The following METTL24 variants were observed in gnomAD, a reference collection of about 807,000 sequenced individuals.
METTL24 encodes methyltransferase like 24.
In METTL24, 29 loss-of-function variants were observed where a neutral mutation model predicts 32.7. The ratio of observed to expected loss-of-function variants is 0.89; its 90% CI spans 0.66 to 1.21. The LOEUF (loss-of-function observed/expected upper bound fraction) is 1.21, where lower values mean the gene tolerates loss of function less well. METTL24 is among the 50% of genes most tolerant of loss of function. The pLI, the probability that METTL24 is intolerant of heterozygous loss-of-function variation, is 0.00. For synonymous variants in METTL24, 163 were observed against 179.5 expected (o/e 0.91, Z 0.73); for missense variants, 439 against 468.1 (o/e 0.94, Z 0.57).
chr6:110,358,245 C>G lies in METTL24; in HGVS notation c.28G>C (p.Gly10Arg), dbSNP rs1213569886. 1.6e-5 allele frequency: 24 copies of G among 1,485,522 alleles called. No individual in the cohort carries two copies. The highest frequency in any genetic ancestry group is 2.0e-5 in the Non-Finnish European group (23 of 1,125,038). 92.0% of individuals were successfully genotyped at this position (1,485,522 alleles called of 1,614,324 possible). A position where few individuals can be genotyped will look rare whatever the true frequency, so the allele number is the denominator to read the frequency against. The change falls in exon 1 of 5, where the codon GGC becomes CGC. Residue 10 changes from glycine (G) to arginine (R), a missense_variant. By Grantham distance (125) the Gly-to-Arg change is moderately radical. Transcript: ENST00000338882. MARERPPGR[G>R]CGVLRRCLLG... ...AGACACCGGCGCAGGACGCCGCAGC[C>G]CCTCCCGGGCGGCCTCTCCCGGGCC...
At chr6:110,343,273 A>C (rs1772398314) in intron 1 of METTL24, among the ~76,000 whole-genome samples, 1 of 152,212 alleles carries the variant, frequency 6.6e-6, no homozygotes, top group South Asian at 2.1e-4. Flanking sequence ...ACCACTAATA[A>C]TATATTTCCC....
chr6:110,278,296 C>T (rs1055339147), intron 4 of METTL24, among the ~76,000 whole-genome samples: 1 of 152,312 alleles, frequency 6.6e-6, no homozygotes, highest in Admixed American at 6.5e-5. Context: ...CTTCTCTACA[C>T]ATGATCACTT....
intron 4 of METTL24, among the ~76,000 whole-genome samples, chr6:110,269,816 T>A (rs1317286716): frequency 6.6e-6 from 1 of 152,094 alleles, no homozygotes; most frequent in Non-Finnish European, 1.5e-5. Context: ...AAAGCCTCAT[T>A]TGTTTGACAA....
chr6:110,261,608 A>T lies in METTL24; in HGVS notation c.787-15348T>A, dbSNP rs144886539. Among the ~76,000 whole-genome samples the T allele has an allele frequency of 4.3e-3, 658 of 152,308 alleles. 9 individuals are homozygous for T. The highest frequency in any genetic ancestry group is 0.015 in the African/African-American group (642 of 41,568). ...CAGGAATTGAACTCAGCTCTGCGCCAAGTGGACCTAATAGACATCTACAGA... is the reference window on the plus strand; with the variant it reads ...CAGGAATTGAACTCAGCTCTGCGCCTAGTGGACCTAATAGACATCTACAGA... On this transcript the variant is annotated intron_variant, in intron 4 of 4. Transcript: ENST00000338882.
intron 2 of METTL24, among the ~76,000 whole-genome samples, chr6:110,319,184 CTA>C (rs1356421166): frequency 6.6e-6 from 1 of 152,146 alleles, no homozygotes; most frequent in Non-Finnish European, 1.5e-5. Flanking sequence ...ACGATCAACT[CTA>C]TGCTCTATGT....
At chr6:110,278,046 T>A (rs557850538) in intron 4 of METTL24, among the ~76,000 whole-genome samples, 2 of 152,182 alleles carry the variant, frequency 1.3e-5, no homozygotes, top group Non-Finnish European at 2.9e-5. Context: ...ATATTGAAAG[T>A]GCCACCGATG....
At chr6:110,280,479 TACAA>T (rs1396424623) in intron 4 of METTL24, among the ~76,000 whole-genome samples, 5 of 152,158 alleles carry the variant, frequency 3.3e-5, no homozygotes, top group Admixed American at 1.3e-4. Flanking sequence ...ATTTTGCTAT[TACAA>T]ACAATGTTGC....
intron 4 of METTL24, among the ~76,000 whole-genome samples, chr6:110,269,247 G>A (rs1770911532): frequency 6.6e-6 from 1 of 152,178 alleles, no homozygotes; most frequent in Non-Finnish European, 1.5e-5. Flanking sequence ...ATTTCTTACA[G>A]TATTCTATCT....
intron 4 of METTL24, among the ~76,000 whole-genome samples, chr6:110,261,294 CA>C (rs568972199): frequency 1.2e-4 from 18 of 150,216 alleles, no homozygotes; most frequent in Admixed American, 1.0e-3. Flanking sequence ...AAATGGAAAA[CA>C]AAAAAAGGCA....
intron 1 of METTL24, among the ~76,000 whole-genome samples, chr6:110,352,794 A>G (rs1421199518): frequency 6.6e-6 from 1 of 152,204 alleles, no homozygotes; most frequent in Non-Finnish European, 1.5e-5. Flanking sequence ...TAGAAACACA[A>G]GGACTCCAAA....
chr6:110,260,554 C>T (rs1778474671), intron 4 of METTL24, among the ~76,000 whole-genome samples: 1 of 152,076 alleles, frequency 6.6e-6, no homozygotes, highest in African/African-American at 2.4e-5. Flanking sequence ...GGATATTATC[C>T]AGGAGAACTT....
At chr6:110,296,852 G>A (rs917668960) in intron 4 of METTL24, among the ~76,000 whole-genome samples, 2 of 152,100 alleles carry the variant, frequency 1.3e-5, no homozygotes, top group Non-Finnish European at 2.9e-5. Flanking sequence ...ACCACTGTCT[G>A]TACATACAGA....
chr6:110,327,887 G>A (rs1036571124), intron 1 of METTL24, among the ~76,000 whole-genome samples: 6 of 152,156 alleles, frequency 3.9e-5, no homozygotes, highest in Non-Finnish European at 8.8e-5. Context: ...TCATCCACGT[G>A]TTTCAAATAT....
intron 1 of METTL24, among the ~76,000 whole-genome samples, chr6:110,343,020 A>G: frequency 6.6e-6 from 1 of 152,318 alleles, no homozygotes; most frequent in East Asian, 1.9e-4. Context: ...ATAATCATGG[A>G]CAAGTTTTGT....
At chr6:110,334,126 C>T (rs1305686474) in intron 1 of METTL24, among the ~76,000 whole-genome samples, 2 of 152,094 alleles carry the variant, frequency 1.3e-5, no homozygotes, top group East Asian at 1.9e-4. Flanking sequence ...GGTCTTCCCG[C>T]AACACCTGCA....
At chr6:110,357,450 A>G (rs1471748599) in intron 1 of METTL24, 1 of 152,244 alleles carries the variant, frequency 6.6e-6, no homozygotes, top group East Asian at 1.9e-4. Context: ...CTCCAGGGAA[A>G]TTCGGCCAGC....
intron 1 of METTL24, among the ~76,000 whole-genome samples, chr6:110,331,361 A>AAT (rs1554216589): frequency 1.3e-5 from 2 of 151,766 alleles, no homozygotes; most frequent in Non-Finnish European, 1.5e-5. Context: ...AAAAAAAAAA[A>AAT]TTAAAGAAAT....
intron 1 of METTL24, among the ~76,000 whole-genome samples, chr6:110,350,441 G>A (rs1457406575): frequency 1.3e-5 from 2 of 151,942 alleles, no homozygotes; most frequent in Admixed American, 6.6e-5. Flanking sequence ...AAGAATTCCA[G>A]GCTAGCCAGT....
At chr6:110,318,682 G>T (rs921935447) in intron 2 of METTL24, among the ~76,000 whole-genome samples, 23 of 145,412 alleles carry the variant, frequency 1.6e-4, no homozygotes, top group African/African-American at 5.8e-4. Context: ...AAGAAAGAAA[G>T]AAAAGAAAAG....
Sources: allele counts gnomAD v4.1 joint callset (sites outside exome capture counted in the v4.1 genomes callset), GRCh38; gene constraint gnomAD v4.1.1; transcripts MANE v1.5; gene names NCBI Gene and HGNC (gene_info 2026-07-23, HGNC 2026-07-21).